Variants in LAMC2 observed in about 807,000 individuals in gnomAD.
LAMC2 encodes the protein laminin subunit gamma 2.
LAMC2 carries 97 observed loss-of-function variants against 140.2 expected under a neutral mutation model. The observed-to-expected ratio is 0.69, with a 90% CI of 0.59 to 0.82. The LOEUF (loss-of-function observed/expected upper bound fraction) is 0.82, where lower values mean the gene tolerates loss of function less well. LAMC2 is among the 40% of genes least tolerant of loss of function. The pLI is 0.00. For missense variants in LAMC2, 1,402 were observed against 1,476.1 expected, an observed-to-expected ratio of 0.95 and a Z score of 0.82; for synonymous variants, 513 against 540.2, an observed-to-expected ratio of 0.95 and a Z score of 0.70.
chr1:183,199,655 A>C (rs1054683386), intron 1 of LAMC2, among the ~76,000 whole-genome samples: 1 of 152,214 alleles, frequency 6.6e-6, no homozygotes, highest in Non-Finnish European at 1.5e-5. Context: ...ATGACACAGG[A>C]TAGAACGAGG....
chr1:183,241,245 C>CAAAA, intron 22 of LAMC2: 11 of 792,082 alleles, frequency 1.4e-5, no homozygotes, highest in African/African-American at 2.1e-5. Context: ...AAGACTGTCT[C>CAAAA]AAAAAAAAAA....
chr1:183,217,323 C>T (rs532450123), intron 3 of LAMC2, among the ~76,000 whole-genome samples: 1 of 152,074 alleles, frequency 6.6e-6, no homozygotes, highest in South Asian at 2.1e-4. Context: ...TCAGTGAAAG[C>T]TCTGATACCT....
At chr1:183,211,129 C>T (rs1292918767) in intron 2 of LAMC2, among the ~76,000 whole-genome samples, 1 of 152,142 alleles carries the variant, frequency 6.6e-6, no homozygotes, top group East Asian at 1.9e-4. Flanking sequence ...GACTTTATAT[C>T]GATTTCCCAA....
At chr1:183,229,031 T>G (rs555154020) in intron 11 of LAMC2, among the ~76,000 whole-genome samples, 1 of 152,080 alleles carries the variant, frequency 6.6e-6, no homozygotes, top group Non-Finnish European at 1.5e-5. Flanking sequence ...GGCTGTAAAA[T>G]AGTTTAAGAG....
chr1:183,254,604 A>AT, the LAMC2 span, among the ~76,000 whole-genome samples: 5 of 150,816 alleles, frequency 3.3e-5, no homozygotes, highest in East Asian at 2.0e-4. Context: ...TGCCTGGCTA[A>AT]TTTTTTTTTG....
At chr1:183,216,492 CG>C (rs1558088022) in intron 3 of LAMC2, among the ~76,000 whole-genome samples, 1 of 152,112 alleles carries the variant, frequency 6.6e-6, no homozygotes, top group Non-Finnish European at 1.5e-5. Flanking sequence ...CTTGGTTTCT[CG>C]TCACTTTCCT....
At chr1:183,204,455 GAA>G (rs79056040) in intron 1 of LAMC2, among the ~76,000 whole-genome samples, 95 of 129,528 alleles carry the variant, frequency 7.3e-4, no homozygotes, top group African/African-American at 2.1e-3. Flanking sequence ...CAAACAAACA[GAA>G]AAAAAAAAAA....
At chr1:183,241,245 C>CAAAAAAAAAAAAAAAAGAAA (rs1660129714) in intron 22 of LAMC2, 1 of 704,470 alleles carries the variant, frequency 1.4e-6, no homozygotes. Context: ...AAGACTGTCT[C>CAAAAAAAAAAAAAAAAGAAA]AAAAAAAAAA....
the LAMC2 span, among the ~76,000 whole-genome samples, chr1:183,257,819 T>G: frequency 1.3e-5 from 2 of 152,096 alleles, no homozygotes; most frequent in Admixed American, 6.5e-5. Context: ...CTCTTCATTT[T>G]ATTAATTTTT....
chr1:183,235,602 G>C lies in LAMC2; in HGVS notation c.2328G>C (p.Glu776Asp). 6.2e-7 allele frequency: 1 copy of C among 1,614,210 alleles called. No individual in the cohort carries two copies. The highest frequency in any genetic ancestry group is 8.5e-7 in the Non-Finnish European group (1 of 1,180,040). ...ACGTTGAGTCAGCCAGTAACATGGA[G>C]CAACTGACAAGGGAAACTGAGGACT... Reference protein sequence around the residue: ...ESHVESASNMEQLTRETEDYS... With the variant: ...ESHVESASNMDQLTRETEDYS... The change falls in exon 16 of 23, where the codon GAG becomes GAC. Residue 776 changes from glutamate (E) to aspartate (D), a missense_variant. Around this residue, in one of 3 missense-constraint regions of LAMC2, gnomAD observed 670 missense variants for 667.2 expected, o/e 1.00. Transcript: ENST00000264144.
intron 7 of LAMC2, among the ~76,000 whole-genome samples, chr1:183,225,030 C>T (rs941787110): frequency 2.0e-5 from 3 of 149,482 alleles, no homozygotes; most frequent in Non-Finnish European, 4.4e-5. Context: ...GTGAATGAAA[C>T]GAAGGTGGGT....
intron 11 of LAMC2, among the ~76,000 whole-genome samples, chr1:183,229,475 A>G (rs923479384): frequency 4.6e-5 from 7 of 151,988 alleles, no homozygotes; most frequent in African/African-American, 1.7e-4. Flanking sequence ...CATCTCTACT[A>G]AAAATACAAA....
chr1:183,216,672 C>G (rs1659270279), intron 3 of LAMC2, among the ~76,000 whole-genome samples: 2 of 152,306 alleles, frequency 1.3e-5, no homozygotes, highest in Non-Finnish European at 2.9e-5. Context: ...GGCCTTCCTG[C>G]AGCAGTCCCA....
At chr1:183,215,996 C>A (rs184958282) in intron 3 of LAMC2, among the ~76,000 whole-genome samples, 7 of 152,322 alleles carry the variant, frequency 4.6e-5, no homozygotes, top group African/African-American at 1.7e-4. Context: ...TCTGCATAAT[C>A]TTGATCCCCT....
chr1:183,233,929 C>T (rs1214108915), intron 14 of LAMC2, among the ~76,000 whole-genome samples: 1 of 150,344 alleles, frequency 6.7e-6, no homozygotes, highest in African/African-American at 2.5e-5. Context: ...TTTTGTTGCC[C>T]AGGCTGGAGT....
chr1:183,233,190 C>G (rs1009004430), intron 14 of LAMC2, among the ~76,000 whole-genome samples: 1 of 151,824 alleles, frequency 6.6e-6, no homozygotes, highest in African/African-American at 2.4e-5. Context: ...TTTACTTTCT[C>G]AGCCTACAAC....
In LAMC2 at chr1:183,227,739, C is replaced by T. The variant is rs555822178; in HGVS notation, c.1468+42C>T. ...GCTCTGCCACCTGCCTCTTCCTGTC[C>T]TGATGCCATGAATGTGTGCAAATAG... On this transcript the variant is annotated intron_variant, in intron 10 of 22. Coordinates refer to ENST00000264144, the MANE Select transcript of LAMC2 (RefSeq NM_005562.3). The T allele has an allele frequency of 2.5e-6, 4 of 1,576,308 alleles. No homozygotes were observed. In the Admixed American group the frequency reaches 5.0e-5, roughly 20 times the overall value.
the LAMC2 span, chr1:183,251,947 G>A: frequency 6.4e-6 from 1 of 156,250 alleles, no homozygotes; most frequent in East Asian, 1.9e-4. Flanking sequence ...GTGTGTGTGT[G>A]CGTGTGTGTG....
intron 15 of LAMC2, 62 bp from the exon 16 acceptor site, chr1:183,235,513 G>T (rs1223290079): frequency 5.0e-6 from 8 of 1,594,880 alleles, no homozygotes; most frequent in South Asian, 4.5e-5. Context: ...TCGTGTAACT[G>T]AACAACCTAA....
Sources: gnomAD v4.1 joint callset for allele counts (sites outside exome capture counted in the v4.1 genomes callset) on GRCh38, gnomAD v4.1.1 for gene constraint, gnomAD v4.1.1 regional missense constraint, MANE v1.5 for transcripts, NCBI Gene and HGNC (gene_info 2026-07-23, HGNC 2026-07-21) for gene names.